RERE: variants seen among roughly 807,000 people sequenced by gnomAD.
The protein encoded by RERE is arginine-glutamic acid dipeptide repeats, also known as arginine-glutamic acid dipeptide repeats protein.
Under a neutral mutation model 146.1 loss-of-function variants are expected in RERE, and 40 were observed. The observed-to-expected ratio is 0.27, with a 90% confidence interval of 0.21 to 0.36. RERE has a LOEUF of 0.36. Ranked by LOEUF, RERE falls within the 10% of genes least tolerant of loss-of-function variation. The probability of loss-of-function intolerance (pLI) is 1.00; values close to 1 mark genes in which losing one functional copy is unlikely to be tolerated. For missense variants in RERE, 1,933 were observed against 2,138.7 expected (o/e 0.90, Z 1.90); for synonymous variants, 1,003 against 866.0 (o/e 1.16, Z -2.78).
chr1:8,527,045 T>G (rs1031389262), intron 7 of RERE, among the ~76,000 whole-genome samples: 6 of 152,204 alleles, frequency 3.9e-5, no homozygotes, highest in Admixed American at 6.5e-5. Flanking sequence ...TAAAGCCTGT[T>G]GAAAAGAACA....
intron 1 of RERE, among the ~76,000 whole-genome samples, chr1:8,808,147 C>CA (rs778069782): frequency 0.11 from 5,602 of 50,866 alleles, 277 homozygotes; most frequent in African/African-American, 0.2. Flanking sequence ...GACCTTGTCT[C>CA]AAAAAAAAAA....
chr1:8,438,062 C>T (rs540992504), intron 11 of RERE, among the ~76,000 whole-genome samples: 7 of 152,308 alleles, frequency 4.6e-5, no homozygotes, highest in African/African-American at 1.7e-4. Flanking sequence ...TTCACTGTAA[C>T]GTGGAGCTTC....
In RERE at chr1:8,732,979, G is replaced by A. The variant is rs986705569; in HGVS notation, c.-144-76538C>T. Among the ~76,000 whole-genome samples the A allele has an allele frequency of 9.9e-5, 15 of 151,662 alleles. No individual in the cohort carries two copies. The South Asian group carries it at 1.5e-3, about 15-fold the overall frequency. ...TGGGACTACAGGCGCCCGCCACTACGCCCGGCTAATTTTTTGTATTTTTAG... is the reference window on the plus strand; with the variant it reads ...TGGGACTACAGGCGCCCGCCACTACACCCGGCTAATTTTTTGTATTTTTAG... On this transcript the variant is annotated intron_variant, in intron 1 of 22. Coordinates refer to ENST00000400908, the MANE Select transcript of RERE (RefSeq NM_001042681.2).
chr1:8,697,381 A>ACC, intron 1 of RERE, among the ~76,000 whole-genome samples: 1 of 75,910 alleles, frequency 1.3e-5, no homozygotes, highest in Non-Finnish European at 2.7e-5. Context: ...CCCCAACCAC[A>ACC]CCCCCCCCAC....
chr1:8,613,002 T>G (rs1352512140), intron 4 of RERE, among the ~76,000 whole-genome samples: 1 of 152,250 alleles, frequency 6.6e-6, no homozygotes, highest in Non-Finnish European at 1.5e-5. Context: ...TCAGCAAATA[T>G]GTAAACGTGT....
intron 4 of RERE, among the ~76,000 whole-genome samples, chr1:8,607,530 A>ATATCTTTT (rs1646732034): frequency 1.7e-5 from 1 of 57,582 alleles, no homozygotes; most frequent in Non-Finnish European, 3.4e-5. Context: ...TTTTATATAT[A>ATATCTTTT]TTTCTTTTTT....
chr1:8,647,359 A>G (rs868092876), intron 2 of RERE, among the ~76,000 whole-genome samples: 15 of 152,226 alleles, frequency 9.9e-5, no homozygotes, highest in African/African-American at 3.6e-4. Context: ...AACAGGGAAT[A>G]CACTGAAAAG....
At chr1:8,692,441 A>G (rs1217919150) in intron 1 of RERE, among the ~76,000 whole-genome samples, 1 of 150,032 alleles carries the variant, frequency 6.7e-6, no homozygotes, top group Non-Finnish European at 1.5e-5. Context: ...TCTGCCTCCC[A>G]TTTCAAGCGA....
intron 1 of RERE, among the ~76,000 whole-genome samples, chr1:8,704,323 T>A (rs932051275): frequency 8.5e-5 from 13 of 152,266 alleles, no homozygotes; most frequent in Non-Finnish European, 1.6e-4. Flanking sequence ...AGGAATTTTT[T>A]AAATGTATTC....
At chr1:8,370,929 A>G (rs895022648) in intron 12 of RERE, among the ~76,000 whole-genome samples, 1 of 152,226 alleles carries the variant, frequency 6.6e-6, no homozygotes, top group Non-Finnish European at 1.5e-5. Context: ...TTTGCCTGCA[A>G]GCAAACACAG....
intron 12 of RERE, among the ~76,000 whole-genome samples, chr1:8,409,868 A>G (rs1326118437): frequency 6.7e-6 from 1 of 150,070 alleles, no homozygotes; most frequent in African/African-American, 2.4e-5. Flanking sequence ...TTCATGCATG[A>G]TGATGTTGGG....
At chr1:8,784,940 G>A (rs1048718630) in intron 1 of RERE, among the ~76,000 whole-genome samples, 1 of 152,162 alleles carries the variant, frequency 6.6e-6, no homozygotes, top group African/African-American at 2.4e-5. Flanking sequence ...TGTCTCTACT[G>A]CTTAAGCAAC....
intron 2 of RERE, among the ~76,000 whole-genome samples, chr1:8,628,534 C>T (rs1207427886): frequency 6.6e-6 from 1 of 152,080 alleles, no homozygotes; most frequent in Non-Finnish European, 1.5e-5. Context: ...AAAATAAACA[C>T]AATTTAGAAT....
intron 7 of RERE, among the ~76,000 whole-genome samples, chr1:8,530,938 G>A (rs1224163915): frequency 2.0e-5 from 3 of 151,492 alleles, no homozygotes; most frequent in African/African-American, 7.3e-5. Context: ...TGATCCACCC[G>A]CCTCGGCCTC....
intron 1 of RERE, among the ~76,000 whole-genome samples, chr1:8,779,824 T>C (rs1415489524): frequency 2.1e-4 from 32 of 152,190 alleles, no homozygotes; most frequent in Admixed American, 2.1e-3. Flanking sequence ...ACACTTATGA[T>C]ACATTATGCA....
chr1:8,618,441 T>C (rs143934622), intron 3 of RERE, among the ~76,000 whole-genome samples: 2,296 of 152,256 alleles, frequency 0.015, 61 homozygotes, highest in African/African-American at 0.053. Flanking sequence ...CCATCCCTCA[T>C]CTCAATCCCA....
At chr1:8,685,728 G>A (rs1639071989) in intron 1 of RERE, among the ~76,000 whole-genome samples, 1 of 152,138 alleles carries the variant, frequency 6.6e-6, no homozygotes, top group South Asian at 2.1e-4. Flanking sequence ...AATTACCGCT[G>A]GTTTTTCAGG....
chr1:8,584,981 T>C (rs1646409602), intron 4 of RERE, among the ~76,000 whole-genome samples: 1 of 151,904 alleles, frequency 6.6e-6, no homozygotes, highest in South Asian at 2.1e-4. Flanking sequence ...ACCCCGTCTC[T>C]ACTCAAAGTA....
chr1:8,638,112 A>G (rs747731407), intron 2 of RERE, among the ~76,000 whole-genome samples: 1 of 152,366 alleles, frequency 6.6e-6, no homozygotes, highest in Non-Finnish European at 1.5e-5. Context: ...TTAATGTACG[A>G]AAGCAACATA....
Sources: gnomAD v4.1 joint callset for allele counts (sites outside exome capture counted in the v4.1 genomes callset) on GRCh38, gnomAD v4.1.1 for gene constraint, MANE v1.5 for transcripts, NCBI Gene and HGNC (gene_info 2026-07-23, HGNC 2026-07-21) for gene names.